The following NEK9 variants were observed in gnomAD, a reference collection of about 807,000 sequenced individuals.
The protein encoded by NEK9 is NIMA related kinase 9, also known as serine/threonine-protein kinase Nek9.
Under a neutral mutation model 123.4 loss-of-function variants are expected in NEK9, and 75 were observed. The ratio of observed to expected loss-of-function variants is 0.61; its 90% CI spans 0.50 to 0.74. NEK9 has a LOEUF of 0.74. NEK9 is among the 30% of genes least tolerant of loss of function. NEK9 has a pLI of 0.00. For missense variants in NEK9, 952 were observed against 1,214.4 expected (o/e 0.78, Z 3.21); for synonymous variants, 438 against 458.7 (o/e 0.95, Z 0.58).
At chr14:75,085,711 C>T (rs1036362829) in intron 21 of NEK9, among the ~76,000 whole-genome samples, 1 of 152,090 alleles carries the variant, frequency 6.6e-6, no homozygotes, top group African/African-American at 2.4e-5. Context: ...TTCAACAAGT[C>T]AATGTCATAA....
chr14:75,122,777 C>CACCA (rs1376333298), intron 2 of NEK9, among the ~76,000 whole-genome samples: 1 of 150,040 alleles, frequency 6.7e-6, no homozygotes, highest in Admixed American at 6.6e-5. Context: ...AGGCGTGAGC[C>CACCA]ACCACGCCCA....
At position 75,088,572 on chromosome 14, in the gene NEK9, A is replaced by G; in HGVS notation, c.2512T>C (p.Ser838Pro). The G allele has an allele frequency of 1.2e-6, 2 of 1,614,058 alleles. No homozygotes were observed. The highest frequency in any genetic ancestry group is 1.7e-6 in the Non-Finnish European group (2 of 1,179,984). The change falls in exon 20 of 22, where the codon TCT becomes CCT. Residue 838 changes from serine (S) to proline (P), a missense_variant. Physicochemically the swap from Ser to Pro is moderately conservative, Grantham distance 74. Coordinates refer to ENST00000238616, the MANE Select transcript of NEK9 (RefSeq NM_033116.6). The stretch of plus-strand genomic sequence containing the variant: ...TCATAGGGCAGGGTATCTTTCTCAG[A>G]TTCTGAAAACGCTGCACTGAGAGGA... ...PSPLSAAFSE[S>P]EKDTLPYEEL...
Position 75,107,454 on chromosome 14 carries a change from G to A in NEK9, c.1216C>T (p.Leu406=). The A allele has an allele frequency of 6.2e-7, 1 of 1,612,916 alleles. No homozygotes were observed. Among genetic ancestry groups the A allele is most frequent in the Non-Finnish European group, 8.5e-7 (1 of 1,179,460 alleles). ...MQGGTKLHGQ[L]GHGDKASYRQ... ...TAGGAGGCTTTGTCTCCATGGCCCA[G>A]CTGACCATGGAGTTTAGTGCCTCCT... is the stretch of plus-strand genomic sequence containing the variant. The change falls in exon 11 of 22, where the codon CTG becomes TTG. Residue 406 remains leucine, a synonymous_variant. Transcript: ENST00000238616.
intron 2 of NEK9, among the ~76,000 whole-genome samples, chr14:75,122,483 A>G (rs957365150): frequency 1.3e-5 from 2 of 152,148 alleles, no homozygotes; most frequent in African/African-American, 4.8e-5. Flanking sequence ...ATGTAATACA[A>G]CAATCCTAGA....
In NEK9 at chr14:75,080,137, C is replaced by T. The variant is rs1026623851; in HGVS notation, c.*4427G>A. ...ACAAAGTCAAGAGATCGAGACCATC[C>T]TGGCCAACATGGTGAAACCCCGTCT... On this transcript the variant is annotated 3_prime_UTR_variant, in exon 22 of 22. Transcript: ENST00000238616. 1 of 152,150 alleles carries T rather than the reference C, an allele frequency of 6.6e-6. No homozygotes were observed. The highest frequency in any genetic ancestry group is 1.9e-4 in the East Asian group (1 of 5,182). The allele number at this position is 152,150 out of a possible 1,614,324, so 9.4% of individuals were successfully genotyped here. A position where few individuals can be genotyped will look rare whatever the true frequency, so the allele number is the denominator to read the frequency against.
intron 8 of NEK9, among the ~76,000 whole-genome samples, chr14:75,112,960 G>A (rs1895005534): frequency 6.6e-6 from 1 of 152,194 alleles, no homozygotes; most frequent in Non-Finnish European, 1.5e-5. Context: ...ACTTTATAGA[G>A]GAGAAAGCCA....
intron 5 of NEK9, 104 bp from the exon 6 acceptor site, chr14:75,117,430 A>G: frequency 7.8e-7 from 1 of 1,280,532 alleles, no homozygotes; most frequent in Non-Finnish European, 1.1e-6. Flanking sequence ...CATAACAACC[A>G]TAAAACATTC....
intron 10 of NEK9, among the ~76,000 whole-genome samples, chr14:75,108,601 C>T (rs1295754120): frequency 6.6e-6 from 1 of 151,334 alleles, no homozygotes; most frequent in African/African-American, 2.4e-5. Flanking sequence ...GTCACTCAGG[C>T]TGCAGTGCAG....
chr14:75,097,956 G>T (rs1071989), intron 16 of NEK9, among the ~76,000 whole-genome samples: 67,543 of 152,020 alleles, frequency 0.44, 16,385 homozygotes, highest in East Asian at 0.84. Context: ...CTGAGGTCCT[G>T]CTCACATAGG....
At chr14:75,121,006 G>T in intron 3 of NEK9, 113 bp downstream of exon 3, 1 of 866,674 alleles carries the variant, frequency 1.2e-6, no homozygotes, top group Non-Finnish European at 1.9e-6. Flanking sequence ...CCTGGAAGGA[G>T]TCTGAACAAA....
intron 1 of NEK9, among the ~76,000 whole-genome samples, chr14:75,124,963 T>C (rs1050315036): frequency 3.4e-5 from 5 of 145,752 alleles, no homozygotes; most frequent in African/African-American, 1.0e-4. Flanking sequence ...TTTTAAGAGA[T>C]GGGGTATCAC....
At chr14:75,106,024 T>C (rs910586797) in intron 12 of NEK9, 28 bp from the exon 13 acceptor site, 2 of 1,599,096 alleles carry the variant, frequency 1.3e-6, no homozygotes, top group African/African-American at 2.7e-5. Flanking sequence ...ATGAAAATCA[T>C]TATAATGAGG....
intron 19 of NEK9, among the ~76,000 whole-genome samples, chr14:75,089,702 A>AT (rs781617599): frequency 0.021 from 2,914 of 137,178 alleles, 52 homozygotes; most frequent in Middle Eastern, 0.043. Flanking sequence ...TGCCCAGCTA[A>AT]TTTTTTTTTT....
intron 1 of NEK9, 23 bp from the exon 2 acceptor site, chr14:75,124,246 C>G (rs781446250): frequency 7.5e-6 from 12 of 1,601,392 alleles, no homozygotes; most frequent in East Asian, 2.2e-5. Flanking sequence ...ACAGAGGTAT[C>G]GTGCTTTTCC....
chr14:75,092,120 C>T (rs762413257), intron 18 of NEK9, among the ~76,000 whole-genome samples: 6 of 151,832 alleles, frequency 4.0e-5, no homozygotes, highest in Non-Finnish European at 7.4e-5. Flanking sequence ...GCTGGGATTA[C>T]AGGCACACAC....
At position 75,110,367 on chromosome 14, in the gene NEK9, T is replaced by C. The variant is rs1299103354; in HGVS notation, c.943A>G (p.Met315Val). 2.5e-6 allele frequency: 4 copies of C among 1,612,454 alleles called. No homozygotes were observed. The highest frequency in any genetic ancestry group is 3.4e-6 in the Non-Finnish European group (4 of 1,178,682). The change falls in exon 9 of 22, where the codon ATG (methionine) becomes GTG (valine). Residue 315 changes from methionine (M) to valine (V), a missense_variant. This residue lies in a region of NEK9 where 698 missense variants were observed against 875.6 expected (regional missense o/e 0.80). Coordinates refer to ENST00000238616, the MANE Select transcript of NEK9 (RefSeq NM_033116.6). The part of the protein sequence containing the change: ...RPLLRKRRRE[M>V]EEKVTLLNAP... ...TTAAGCAGAGTGACTTTTTCCTCCA[T>C]CTCTCTACCAAAAGAAAAGCAAAGA...
At chr14:75,112,690 T>TACTACAG (rs1484381442) in intron 8 of NEK9, among the ~76,000 whole-genome samples, 1 of 152,144 alleles carries the variant, frequency 6.6e-6, no homozygotes, top group Non-Finnish European at 1.5e-5. Flanking sequence ...GGCATGATGG[T>TACTACAG]GCACACCTGT....
Position 75,101,091 on chromosome 14 carries a change from T to C in NEK9, c.1903A>G (p.Lys635Glu), listed in dbSNP as rs1242399092. Residue 635 changes from lysine (K) to glutamate (E), a missense_variant, in exon 16 of 22, where the codon AAG (lysine) becomes GAG (glutamate). Physicochemically the swap from Lys to Glu is moderately conservative, Grantham distance 56. This residue lies in a region of NEK9 where 698 missense variants were observed against 875.6 expected (regional missense o/e 0.80). Transcript: ENST00000238616. Reference sequence around the variant, plus strand: ...AACAGGTTGATTCCCAGACGCTTCTTGTAGTTCCCAACGCCCAGCTGCCCA... The same window carrying C: ...AACAGGTTGATTCCCAGACGCTTCTCGTAGTTCCCAACGCCCAGCTGCCCA... ...KCGQLGVGNY[K>E]KRLGINLLGG... 6.2e-7 allele frequency: 1 copy of C among 1,614,094 alleles called. No individual in the cohort carries two copies. The highest frequency in any genetic ancestry group is 8.5e-7 in the Non-Finnish European group (1 of 1,180,050).
chr14:75,127,049 G>A (rs964435791), upstream of NEK9: 14 of 701,884 alleles, frequency 2.0e-5, no homozygotes, highest in African/African-American at 2.7e-4. Flanking sequence ...GCTCGATGGT[G>A]GCTCCTGCCC....
Sources: allele counts gnomAD v4.1 joint callset (sites outside exome capture counted in the v4.1 genomes callset), GRCh38; gene constraint gnomAD v4.1.1; regional missense constraint gnomAD v4.1.1; transcripts MANE v1.5; gene names NCBI Gene and HGNC (gene_info 2026-07-23, HGNC 2026-07-21).